CACNA2D3: variants seen among roughly 807,000 people sequenced by gnomAD.
The protein encoded by CACNA2D3 is calcium voltage-gated channel auxiliary subunit alpha2delta 3.
In CACNA2D3, 60 loss-of-function variants were observed where a neutral mutation model predicts 160.6. The observed-to-expected ratio is 0.37, with a 90% CI of 0.30 to 0.46. The LOEUF (loss-of-function observed/expected upper bound fraction) is 0.46, where lower values mean the gene tolerates loss of function less well. Ranked by LOEUF, CACNA2D3 falls within the 20% of genes least tolerant of loss-of-function variation. The pLI is 1.00. For synonymous variants in CACNA2D3, 558 were observed against 492.9 expected, an observed-to-expected ratio of 1.13 and a Z score of -1.75; for missense variants, 1,205 against 1,365.0, an observed-to-expected ratio of 0.88 and a Z score of 1.85.
chr3:54,624,964 G>A (rs949442826), intron 9 of CACNA2D3, among the ~76,000 whole-genome samples: 1 of 152,332 alleles, frequency 6.6e-6, no homozygotes, highest in Non-Finnish European at 1.5e-5. Context: ...CAGCTGGGAC[G>A]CCTGGCTTCC....
intron 4 of CACNA2D3, among the ~76,000 whole-genome samples, chr3:54,458,005 TA>T (rs1700430809): frequency 1.3e-5 from 2 of 152,086 alleles, no homozygotes; most frequent in African/African-American, 2.4e-5. Context: ...AGGCAGCATA[TA>T]GTTGGGTTGT....
chr3:54,649,198 G>A (rs987153595), intron 11 of CACNA2D3, among the ~76,000 whole-genome samples: 1 of 152,142 alleles, frequency 6.6e-6, no homozygotes, highest in African/African-American at 2.4e-5. Flanking sequence ...TCAAGACTGG[G>A]ATATCTTACA....
intron 17 of CACNA2D3, among the ~76,000 whole-genome samples, chr3:54,849,812 CCT>C (rs1699016595): frequency 6.6e-6 from 1 of 152,178 alleles, no homozygotes; most frequent in Admixed American, 6.5e-5. Flanking sequence ...ACTCCTATTC[CCT>C]CTCCATCTGC....
chr3:54,368,767 T>G (rs1698870817), intron 3 of CACNA2D3, among the ~76,000 whole-genome samples: 2 of 134,000 alleles, frequency 1.5e-5, no homozygotes, highest in African/African-American at 5.3e-5. Context: ...AGTGGCACGA[T>G]CTCGGCTCAC....
intron 31 of CACNA2D3, among the ~76,000 whole-genome samples, chr3:55,001,542 G>A (rs147083024): frequency 8.5e-5 from 13 of 152,270 alleles, no homozygotes; most frequent in Non-Finnish European, 1.9e-4. Flanking sequence ...GGAAACTGAG[G>A]CACCAAGAGG....
chr3:54,435,958 G>A (rs1026066836), intron 4 of CACNA2D3, among the ~76,000 whole-genome samples: 1 of 152,074 alleles, frequency 6.6e-6, no homozygotes, highest in Non-Finnish European at 1.5e-5. Context: ...AACCTCACGG[G>A]TTACACTTAC....
chr3:54,465,256 T>A (rs553141609), intron 4 of CACNA2D3, among the ~76,000 whole-genome samples: 10 of 152,254 alleles, frequency 6.6e-5, no homozygotes, highest in African/African-American at 2.2e-4. Flanking sequence ...TTTTCCTGAT[T>A]TTATTGAATT....
chr3:54,364,324 G>GA (rs550580386), intron 3 of CACNA2D3, among the ~76,000 whole-genome samples: 141 of 152,264 alleles, frequency 9.3e-4, no homozygotes, highest in African/African-American at 3.2e-3. Flanking sequence ...TTATCTTTCT[G>GA]AAAAATCTCT....
chr3:54,757,810 C>G (rs1261893267), intron 12 of CACNA2D3, among the ~76,000 whole-genome samples: 1 of 152,202 alleles, frequency 6.6e-6, no homozygotes, highest in East Asian at 1.9e-4. Context: ...TGAGGCTGAG[C>G]AAGACTAGCA....
intron 27 of CACNA2D3, among the ~76,000 whole-genome samples, chr3:54,963,773 C>G (rs941893458): frequency 6.6e-6 from 1 of 152,160 alleles, no homozygotes; most frequent in Admixed American, 6.5e-5. Context: ...GCGGTTGTGT[C>G]TCTCACATCT....
intron 14 of CACNA2D3, among the ~76,000 whole-genome samples, chr3:54,823,895 C>T (rs530356326): frequency 5.3e-5 from 8 of 152,172 alleles, no homozygotes; most frequent in East Asian, 3.9e-4. Context: ...GTATTATGAG[C>T]GTACATTATT....
intron 29 of CACNA2D3, among the ~76,000 whole-genome samples, chr3:54,979,507 A>C (rs1003892519): frequency 6.6e-6 from 1 of 152,242 alleles, no homozygotes; most frequent in Non-Finnish European, 1.5e-5. Context: ...ATTTTTTCGC[A>C]GAAGTATAGT....
At chr3:54,373,657 C>A (rs550396575) in intron 3 of CACNA2D3, among the ~76,000 whole-genome samples, 1 of 152,236 alleles carries the variant, frequency 6.6e-6, no homozygotes, top group African/African-American at 2.4e-5. Flanking sequence ...GTATCTGTAA[C>A]CCCTTCAGGA....
chr3:54,342,805 G>A (rs1234611646), intron 3 of CACNA2D3, among the ~76,000 whole-genome samples: 7 of 152,228 alleles, frequency 4.6e-5, no homozygotes, highest in Admixed American at 2.0e-4. Flanking sequence ...CAGAGGTGGC[G>A]AGATGCTTCC....
At chr3:54,157,686 G>A (rs1348452692) in intron 2 of CACNA2D3, among the ~76,000 whole-genome samples, 1 of 152,144 alleles carries the variant, frequency 6.6e-6, no homozygotes. Context: ...CGTTACTTGG[G>A]AGGCTGAGGC....
At chr3:54,373,083 T>A (rs538961351) in intron 3 of CACNA2D3, among the ~76,000 whole-genome samples, 1 of 152,340 alleles carries the variant, frequency 6.6e-6, no homozygotes, top group African/African-American at 2.4e-5. Flanking sequence ...CTCTTGAAAG[T>A]CTTGGGCAAA....
At chr3:54,334,992 G>A (rs1015624108) in intron 3 of CACNA2D3, among the ~76,000 whole-genome samples, 3 of 152,178 alleles carry the variant, frequency 2.0e-5, no homozygotes, top group African/African-American at 7.2e-5. Flanking sequence ...CTACTTAATG[G>A]AGTTATTTTG....
intron 4 of CACNA2D3, among the ~76,000 whole-genome samples, chr3:54,487,195 C>T (rs1232183975): frequency 5.3e-5 from 8 of 151,946 alleles, no homozygotes; most frequent in Non-Finnish European, 2.9e-5. Context: ...AGTGAGACCC[C>T]ATCTTTACAA....
At chr3:54,969,131 T>C (rs757116737) in intron 28 of CACNA2D3, among the ~76,000 whole-genome samples, 20 of 152,170 alleles carry the variant, frequency 1.3e-4, no homozygotes, top group Non-Finnish European at 5.9e-5. Context: ...ACTAAGGAGA[T>C]GGACAGGGGT....
Sources: gnomAD v4.1 joint callset for allele counts (sites outside exome capture counted in the v4.1 genomes callset) on GRCh38, gnomAD v4.1.1 for gene constraint, MANE v1.5 for transcripts, NCBI Gene and HGNC (gene_info 2026-07-23, HGNC 2026-07-21) for gene names.